The following SLC71A2 variants were observed in gnomAD, a reference collection of about 807,000 sequenced individuals.
SLC71A2 encodes the protein hippocampus abundant transcript-like 1.
chr9:94,450,492 A>ATTTTTTTTTTTTTT, the SLC71A2 span, among the ~76,000 whole-genome samples: 18 of 52,478 alleles, frequency 3.4e-4, no homozygotes, highest in Admixed American at 6.4e-4. Flanking sequence ...AAATAATGTA[A>ATTTTTTTTTTTTTT]CTTTTTTTTT....
the SLC71A2 span, among the ~76,000 whole-genome samples, chr9:94,455,398 T>TTTTTTTTTTTTTG: frequency 1.6e-5 from 2 of 127,604 alleles, no homozygotes; most frequent in African/African-American, 7.5e-5. Flanking sequence ...TTTTTTTTTT[T>TTTTTTTTTTTTTG]GTAAAGACAA....
chr9:94,379,165 C>T, the SLC71A2 span, among the ~76,000 whole-genome samples: 1 of 149,280 alleles, frequency 6.7e-6, no homozygotes, highest in South Asian at 2.1e-4. Flanking sequence ...TGGCTCACTA[C>T]AGCCTCTGCC....
At chr9:94,433,444 G>A in the SLC71A2 span, among the ~76,000 whole-genome samples, 3 of 150,670 alleles carry the variant, frequency 2.0e-5, no homozygotes, top group Non-Finnish European at 4.4e-5. Flanking sequence ...AGGCCGAGGT[G>A]GGCGGATCAC....
At chr9:94,422,619 C>A in the SLC71A2 span, among the ~76,000 whole-genome samples, 1 of 152,056 alleles carries the variant, frequency 6.6e-6, no homozygotes, top group East Asian at 1.9e-4. Context: ...TTCAGCCAGG[C>A]AGACTCCATG....
the SLC71A2 span, chr9:94,451,587 C>T: frequency 2.4e-6 from 2 of 832,490 alleles, no homozygotes; most frequent in Non-Finnish European, 3.8e-6. Context: ...ACCATAGTTT[C>T]ACAGGAAGCC....
the SLC71A2 span, among the ~76,000 whole-genome samples, chr9:94,433,784 T>G: frequency 1.3e-5 from 2 of 152,124 alleles, no homozygotes; most frequent in Admixed American, 6.5e-5. Flanking sequence ...TAAAAATACA[T>G]TTATTACTTA....
At chr9:94,430,651 G>A in the SLC71A2 span, among the ~76,000 whole-genome samples, 2 of 152,084 alleles carry the variant, frequency 1.3e-5, no homozygotes, top group Admixed American at 6.5e-5. Flanking sequence ...AACAGTTACC[G>A]GCTGAAGATT....
the SLC71A2 span, among the ~76,000 whole-genome samples, chr9:94,427,452 G>A: frequency 6.6e-6 from 1 of 151,326 alleles, no homozygotes. Flanking sequence ...TATGTATTTT[G>A]TCATTCATCC....
the SLC71A2 span, among the ~76,000 whole-genome samples, chr9:94,422,680 A>G: frequency 6.6e-6 from 1 of 152,132 alleles, no homozygotes; most frequent in Non-Finnish European, 1.5e-5. Context: ...CTTAATTTGC[A>G]TATTCCTAAC....
the SLC71A2 span, among the ~76,000 whole-genome samples, chr9:94,418,556 C>T: frequency 9.5e-4 from 145 of 152,100 alleles, no homozygotes; most frequent in Middle Eastern, 3.4e-3. Flanking sequence ...GATTCTCAGC[C>T]TCCCGAGTAG....
At chr9:94,394,880 G>T in the SLC71A2 span, among the ~76,000 whole-genome samples, 1 of 145,766 alleles carries the variant, frequency 6.9e-6, no homozygotes, top group African/African-American at 2.5e-5. Context: ...TACCAATACA[G>T]AAATGACTAT....
the SLC71A2 span, among the ~76,000 whole-genome samples, chr9:94,399,824 A>G: frequency 7.6e-6 from 1 of 131,406 alleles, no homozygotes; most frequent in African/African-American, 2.9e-5. Context: ...TTTTTTTTTG[A>G]GATGGAGTTT....
At chr9:94,386,104 A>G in the SLC71A2 span, among the ~76,000 whole-genome samples, 1 of 152,042 alleles carries the variant, frequency 6.6e-6, no homozygotes, top group East Asian at 1.9e-4. Flanking sequence ...GTGGACATAA[A>G]TGTCTTTATT....
At chr9:94,384,550 G>C in the SLC71A2 span, among the ~76,000 whole-genome samples, 1 of 152,076 alleles carries the variant, frequency 6.6e-6, no homozygotes, top group Non-Finnish European at 1.5e-5. Context: ...ATGTTACCCA[G>C]GGTGGTCTCA....
At chr9:94,396,858 C>T in the SLC71A2 span, among the ~76,000 whole-genome samples, 2 of 152,112 alleles carry the variant, frequency 1.3e-5, no homozygotes, top group African/African-American at 4.8e-5. Flanking sequence ...ACAACCTCTG[C>T]CTCCCGGGTT....
At chr9:94,415,072 T>G in the SLC71A2 span, 2 of 1,025,094 alleles carry the variant, frequency 2.0e-6, no homozygotes, top group Non-Finnish European at 3.0e-6. Flanking sequence ...TTTTTACACA[T>G]TTTTACACAT....
chr9:94,434,401 C>T, the SLC71A2 span, among the ~76,000 whole-genome samples: 1 of 152,212 alleles, frequency 6.6e-6, no homozygotes, highest in Admixed American at 6.5e-5. Flanking sequence ...CTGCAACTCC[C>T]CGCTGTCCGG....
chr9:94,450,744 C>T, the SLC71A2 span, among the ~76,000 whole-genome samples: 235 of 152,254 alleles, frequency 1.5e-3, no homozygotes, highest in African/African-American at 5.5e-3. Flanking sequence ...CTGCCTTGGC[C>T]TCCCAAAGTG....
chr9:94,433,808 G>A, the SLC71A2 span, among the ~76,000 whole-genome samples: 28 of 151,866 alleles, frequency 1.8e-4, no homozygotes, highest in Non-Finnish European at 3.8e-4. Context: ...CAGAAACAAC[G>A]AATTCAGAAT....
Sources: gnomAD v4.1 joint callset for allele counts (sites outside exome capture counted in the v4.1 genomes callset) on GRCh38, gnomAD v4.1.1 for gene constraint, MANE v1.5 for transcripts, NCBI Gene and HGNC (gene_info 2026-07-23, HGNC 2026-07-21) for gene names.